Variants in KCND3 observed in about 807,000 individuals in gnomAD.
KCND3 encodes potassium voltage-gated channel subfamily D member 3.
Under a neutral mutation model 51.1 loss-of-function variants are expected in KCND3, and 9 were observed. The ratio of observed to expected loss-of-function variants is 0.18; its 90% CI spans 0.11 to 0.31. The LOEUF (loss-of-function observed/expected upper bound fraction) is 0.31, where lower values mean the gene tolerates loss of function less well. KCND3 is among the 10% of genes least tolerant of loss of function. The pLI, the probability that KCND3 is intolerant of heterozygous loss-of-function variation, is 1.00. For missense variants in KCND3, 526 were observed against 903.8 expected, an observed-to-expected ratio of 0.58 and a Z score of 5.36; for synonymous variants, 349 against 368.0, an observed-to-expected ratio of 0.95 and a Z score of 0.59.
In KCND3 at chr1:111,877,695, G is replaced by A. The variant is rs76455142; in HGVS notation, c.1107-90589C>T. Reference sequence around the variant, plus strand: ...ATATTATTCCCACATCCACCTGGCCGCTGGTGGTTGGTTGCCAGCCTCCTG... The same window carrying A: ...ATATTATTCCCACATCCACCTGGCCACTGGTGGTTGGTTGCCAGCCTCCTG... On this transcript the variant is annotated intron_variant, in intron 2 of 7. Transcript: ENST00000302127. 1.1e-3 allele frequency among the ~76,000 whole-genome samples: 173 copies of A among 152,314 alleles called. 2 individuals carry two copies. In the East Asian group the frequency reaches 0.032, roughly 28 times the overall value.
intron 2 of KCND3, among the ~76,000 whole-genome samples, chr1:111,917,426 CA>C (rs1671271587): frequency 6.6e-6 from 1 of 152,144 alleles, no homozygotes; most frequent in Admixed American, 6.5e-5. Flanking sequence ...CCTGGAACCT[CA>C]AAAGTGCTCA....
intron 2 of KCND3, among the ~76,000 whole-genome samples, chr1:111,805,756 C>T (rs1169661976): frequency 5.3e-5 from 8 of 152,202 alleles, no homozygotes; most frequent in Non-Finnish European, 5.9e-5. Flanking sequence ...ATTCAATGAG[C>T]CACCTGTGTG....
At chr1:111,832,827 C>T (rs569041433) in intron 2 of KCND3, among the ~76,000 whole-genome samples, 109 of 152,268 alleles carry the variant, frequency 7.2e-4, no homozygotes, top group African/African-American at 2.5e-3. Flanking sequence ...TAAAAGCAGC[C>T]GCTCTGTTCC....
chr1:111,952,774 C>T (rs188556248), intron 2 of KCND3, among the ~76,000 whole-genome samples: 1 of 152,204 alleles, frequency 6.6e-6, no homozygotes, highest in East Asian at 1.9e-4. Context: ...ATACACAGGC[C>T]CAGTGCTTCC....
intron 2 of KCND3, among the ~76,000 whole-genome samples, chr1:111,822,593 G>C (rs146481629): frequency 6.6e-6 from 1 of 152,168 alleles, no homozygotes; most frequent in South Asian, 2.1e-4. Context: ...ACCACAGTTT[G>C]CTTGTCCATT....
chr1:111,947,118 A>T (rs1431106943), intron 2 of KCND3, among the ~76,000 whole-genome samples: 1 of 152,212 alleles, frequency 6.6e-6, no homozygotes, highest in Non-Finnish European at 1.5e-5. Flanking sequence ...TTTACATTCA[A>T]AGTAATTATT....
chr1:111,898,682 TG>T (rs1356013568), intron 2 of KCND3, among the ~76,000 whole-genome samples: 1 of 152,214 alleles, frequency 6.6e-6, no homozygotes, highest in Non-Finnish European at 1.5e-5. Context: ...GCACAGGCCT[TG>T]CCCTCCTGAA....
At chr1:111,878,898 A>C (rs1669179825) in intron 2 of KCND3, among the ~76,000 whole-genome samples, 1 of 152,208 alleles carries the variant, frequency 6.6e-6, no homozygotes, top group South Asian at 2.1e-4. Context: ...TCGATTCAGC[A>C]GACTGAGTAA....
intron 2 of KCND3, among the ~76,000 whole-genome samples, chr1:111,872,550 T>C (rs547809063): frequency 6.6e-6 from 1 of 152,264 alleles, no homozygotes; most frequent in Admixed American, 6.5e-5. Context: ...TAGGATCAGA[T>C]ACATGAGGAG....
At chr1:111,927,482 T>C (rs1040389409) in intron 2 of KCND3, among the ~76,000 whole-genome samples, 5 of 152,238 alleles carry the variant, frequency 3.3e-5, no homozygotes, top group Non-Finnish European at 5.9e-5. Context: ...TGACAGCCCA[T>C]GTCCTCCTGT....
intron 2 of KCND3, among the ~76,000 whole-genome samples, chr1:111,844,972 G>A (rs1411167833): frequency 6.6e-6 from 1 of 152,106 alleles, no homozygotes; most frequent in Admixed American, 6.5e-5. Context: ...CACCTCTCTT[G>A]ACCCTGCATA....
intron 2 of KCND3, chr1:111,911,023 C>T (rs1369658128): frequency 6.6e-6 from 1 of 152,168 alleles, no homozygotes; most frequent in Non-Finnish European, 1.5e-5. Context: ...AATTCTGGCC[C>T]CCTTGCCATC....
At chr1:111,970,083 C>T (rs1674245006) in intron 2 of KCND3, among the ~76,000 whole-genome samples, 1 of 151,936 alleles carries the variant, frequency 6.6e-6, no homozygotes, top group African/African-American at 2.4e-5. Flanking sequence ...ATGGCGCGAT[C>T]TCAGCTCTCT....
At chr1:111,874,433 T>C (rs1444206898) in intron 2 of KCND3, among the ~76,000 whole-genome samples, 2 of 152,198 alleles carry the variant, frequency 1.3e-5, no homozygotes, top group Admixed American at 6.5e-5. Context: ...TGTTTGGAAT[T>C]GCCTTTGGAG....
chr1:111,888,774 A>G (rs1433607889), intron 2 of KCND3, among the ~76,000 whole-genome samples: 2 of 152,040 alleles, frequency 1.3e-5, no homozygotes, highest in African/African-American at 2.4e-5. Context: ...AAACCTCTGC[A>G]GGGGCTACCG....
intron 2 of KCND3, among the ~76,000 whole-genome samples, chr1:111,882,302 G>A (rs541295695): frequency 2.9e-4 from 44 of 152,204 alleles, no homozygotes; most frequent in Non-Finnish European, 4.4e-4. Context: ...TAGAAGTACC[G>A]ACTACAAATA....
chr1:111,973,980 A>G (rs1571927589), intron 2 of KCND3, among the ~76,000 whole-genome samples: 1 of 152,208 alleles, frequency 6.6e-6, no homozygotes, highest in East Asian at 1.9e-4. Flanking sequence ...ATTCAGTTTA[A>G]TGACACTCAT....
intron 2 of KCND3, among the ~76,000 whole-genome samples, chr1:111,849,055 G>A (rs906484014): frequency 1.1e-4 from 16 of 152,010 alleles, no homozygotes; most frequent in Middle Eastern, 3.4e-3. Context: ...CCTCCTCCTC[G>A]AGGCACAGGC....
intron 3 of KCND3, among the ~76,000 whole-genome samples, chr1:111,786,210 G>C (rs890534672): frequency 2.6e-5 from 4 of 152,260 alleles, no homozygotes; most frequent in Non-Finnish European, 5.9e-5. Flanking sequence ...ACAAGAGTTG[G>C]CTGAGTTGAT....
Sources: gnomAD v4.1 joint callset for allele counts (sites outside exome capture counted in the v4.1 genomes callset) on GRCh38, gnomAD v4.1.1 for gene constraint, MANE v1.5 for transcripts, NCBI Gene and HGNC (gene_info 2026-07-23, HGNC 2026-07-21) for gene names.